DIAPH3: variants seen among roughly 807,000 people sequenced by gnomAD.
DIAPH3 encodes diaphanous related formin 3, also known as protein diaphanous homolog 3.
In DIAPH3, 117 loss-of-function variants were observed where a neutral mutation model predicts 144.3. That is an observed-to-expected ratio of 0.81 (90% CI 0.70 to 0.95). DIAPH3 has a LOEUF of 0.95. Ranked by LOEUF, DIAPH3 falls within the 40% of genes least tolerant of loss-of-function variation. The pLI is 0.00. For synonymous variants in DIAPH3, 519 were observed against 488.9 expected (o/e 1.06, Z -0.81); for missense variants, 1,421 against 1,412.7 (o/e 1.01, Z -0.09).
intron 9 of DIAPH3, among the ~76,000 whole-genome samples, chr13:60,003,582 TA>T (rs1218291573): frequency 6.6e-6 from 1 of 151,154 alleles, no homozygotes. Flanking sequence ...GATATATATA[TA>T]TTTTTTATGA....
chr13:60,039,841 C>T (rs1190653472), intron 5 of DIAPH3, among the ~76,000 whole-genome samples: 1 of 152,072 alleles, frequency 6.6e-6, no homozygotes, highest in Non-Finnish European at 1.5e-5. Flanking sequence ...TCATAACTAA[C>T]AGGAAAGTCC....
intron 27 of DIAPH3, among the ~76,000 whole-genome samples, chr13:59,754,417 G>A (rs1331257338): frequency 6.6e-6 from 1 of 151,962 alleles, no homozygotes; most frequent in East Asian, 1.9e-4. Flanking sequence ...ATTCTTTTTG[G>A]CATCTTATCT....
At chr13:59,802,104 A>C (rs537847480) in intron 25 of DIAPH3, among the ~76,000 whole-genome samples, 5 of 152,328 alleles carry the variant, frequency 3.3e-5, no homozygotes, top group Non-Finnish European at 7.4e-5. Context: ...ACCTATTAAT[A>C]AAAAAAGAAA....
At chr13:59,685,442 A>G (rs1271346518) in intron 27 of DIAPH3, among the ~76,000 whole-genome samples, 2 of 152,128 alleles carry the variant, frequency 1.3e-5, no homozygotes, top group African/African-American at 2.4e-5. Context: ...GCTATCAAAT[A>G]TAGGTCTCAA....
intron 1 of DIAPH3, among the ~76,000 whole-genome samples, chr13:60,150,109 C>T (rs1392175451): frequency 1.3e-5 from 2 of 152,146 alleles, no homozygotes; most frequent in African/African-American, 2.4e-5. Flanking sequence ...GCAACCACAG[C>T]TTTCGAGGTT....
chr13:59,963,016 TTTCCTA>T (rs2049849961), intron 17 of DIAPH3, among the ~76,000 whole-genome samples: 1 of 152,170 alleles, frequency 6.6e-6, no homozygotes, highest in East Asian at 1.9e-4. Context: ...GTGGGTTTTT[TTTCCTA>T]TTCAAGTTCA....
chr13:59,838,957 A>G lies in DIAPH3; in HGVS notation c.2862+367T>C, dbSNP rs192357049. The stretch of plus-strand genomic sequence containing the variant: ...AACCCTGTCTCTACTAAAAATACAA[A>G]AAAATTAGCTGGGCATGGTGGTGCG... On this transcript the variant is annotated intron_variant, in intron 23 of 27. Transcript: ENST00000400324. 5 of 202,646 alleles carry G rather than the reference A, an allele frequency of 2.5e-5. No individual in the cohort carries two copies. In the Admixed American group the frequency reaches 2.7e-4, roughly 11 times the overall value. The allele number at this position is 202,646 out of a possible 1,614,324, so 12.6% of individuals were successfully genotyped here.
rs147695057 is a variant in DIAPH3 at position 59,939,614 on chromosome 13, C to T, written c.2075-14744G>A. 3.9e-3 allele frequency among the ~76,000 whole-genome samples: 600 copies of T among 152,274 alleles called. 5 individuals carry two copies. Among genetic ancestry groups the T allele is most frequent in the African/African-American group, 0.014 (583 of 41,558 alleles). ...TTCTGGAAAGGAAACCCAAGCCATC[C>T]TTATGCTTAAAAGCCTCAAACCATT... is the stretch of plus-strand genomic sequence containing the variant. On this transcript the variant is annotated intron_variant, in intron 17 of 27. Coordinates refer to ENST00000400324, the MANE Select transcript of DIAPH3 (RefSeq NM_001042517.2).
At chr13:59,736,026 G>A (rs1276966087) in intron 27 of DIAPH3, among the ~76,000 whole-genome samples, 2 of 152,200 alleles carry the variant, frequency 1.3e-5, no homozygotes, top group Non-Finnish European at 2.9e-5. Context: ...CTACTTATAA[G>A]TAAGAACATG....
intron 27 of DIAPH3, among the ~76,000 whole-genome samples, chr13:59,728,531 G>C (rs1339827881): frequency 6.6e-6 from 1 of 152,004 alleles, no homozygotes; most frequent in Non-Finnish European, 1.5e-5. Context: ...GTGTATAAGG[G>C]ACATAGGTAG....
rs1305405367 is a variant in DIAPH3, at chr13:59,916,259, A to T, written c.2171-10T>A. 6.3e-7 allele frequency: 1 copy of T among 1,599,108 alleles called. No individual in the cohort carries two copies. Among genetic ancestry groups the T allele is most frequent in the Non-Finnish European group, 8.6e-7 (1 of 1,166,792 alleles). Reference sequence around the variant, plus strand: ...GAGCTCAGGAAGATTGCTAAGAAGGAGAAAGAGAGAAAGGTTTATAATGAA... The same window carrying T: ...GAGCTCAGGAAGATTGCTAAGAAGGTGAAAGAGAGAAAGGTTTATAATGAA... On this transcript the variant is annotated splice_polypyrimidine_tract_variant and intron_variant, in intron 18 of 27. Coordinates refer to ENST00000400324, the MANE Select transcript of DIAPH3 (RefSeq NM_001042517.2).
At chr13:59,732,804 A>G (rs1260998934) in intron 27 of DIAPH3, among the ~76,000 whole-genome samples, 1 of 152,126 alleles carries the variant, frequency 6.6e-6, no homozygotes, top group Non-Finnish European at 1.5e-5. Context: ...AGGTTTACTT[A>G]ATCAGTGAAA....
chr13:59,769,501 A>G (rs1479049900), intron 27 of DIAPH3, among the ~76,000 whole-genome samples: 1 of 151,698 alleles, frequency 6.6e-6, no homozygotes, highest in Non-Finnish European at 1.5e-5. Flanking sequence ...ATTATTAGCA[A>G]TTCTCTGTGG....
At chr13:59,928,619 C>A (rs1362623532) in intron 17 of DIAPH3, among the ~76,000 whole-genome samples, 10 of 152,122 alleles carry the variant, frequency 6.6e-5, no homozygotes, top group Non-Finnish European at 1.0e-4. Context: ...GCCACATAGT[C>A]TCTGTGTGAT....
intron 5 of DIAPH3, among the ~76,000 whole-genome samples, chr13:60,024,291 A>G (rs1179834860): frequency 6.6e-6 from 1 of 151,372 alleles, no homozygotes; most frequent in African/African-American, 2.4e-5. Context: ...TTCCCAATCT[A>G]TTTTTTCCTG....
chr13:59,866,761 C>T (rs937299379), intron 21 of DIAPH3, among the ~76,000 whole-genome samples: 1 of 151,936 alleles, frequency 6.6e-6, no homozygotes, highest in Non-Finnish European at 1.5e-5. Context: ...GCATCATATC[C>T]CATCTCAAAT....
chr13:60,064,068 TC>T (rs1219096181), intron 4 of DIAPH3, among the ~76,000 whole-genome samples: 1 of 152,242 alleles, frequency 6.6e-6, no homozygotes, highest in Non-Finnish European at 1.5e-5. Flanking sequence ...CTTAAAATGT[TC>T]AGTAAACCAT....
At chr13:59,836,809 A>C (rs998925987) in intron 23 of DIAPH3, among the ~76,000 whole-genome samples, 3 of 152,000 alleles carry the variant, frequency 2.0e-5, no homozygotes, top group Admixed American at 2.0e-4. Context: ...TCGATGAATA[A>C]GCATTTCAAT....
chr13:60,125,131 C>A (rs925708130), intron 2 of DIAPH3, among the ~76,000 whole-genome samples: 2 of 152,134 alleles, frequency 1.3e-5, no homozygotes, highest in Non-Finnish European at 2.9e-5. Flanking sequence ...CACTCTTTAG[C>A]ACATAGCTAA....
Sources: gnomAD v4.1 joint callset for allele counts (sites outside exome capture counted in the v4.1 genomes callset) on GRCh38, gnomAD v4.1.1 for gene constraint, MANE v1.5 for transcripts, NCBI Gene and HGNC (gene_info 2026-07-23, HGNC 2026-07-21) for gene names.